VWCE: variants seen among roughly 807,000 people sequenced by gnomAD.
The protein encoded by VWCE is von Willebrand factor C and EGF domain-containing protein.
A neutral mutation model predicts 102.9 loss-of-function variants in VWCE; 68 were observed. That is an observed-to-expected ratio of 0.66 (90% CI 0.54 to 0.81). The LOEUF (loss-of-function observed/expected upper bound fraction) is 0.81. VWCE is among the 30% of genes least tolerant of loss of function. The probability of loss-of-function intolerance (pLI) is 0.00; values close to 1 mark genes in which losing one functional copy is unlikely to be tolerated. For missense variants in VWCE, 1,137 were observed against 1,263.6 expected, an observed-to-expected ratio of 0.90 and a Z score of 1.52; for synonymous variants, 497 against 515.4, an observed-to-expected ratio of 0.96 and a Z score of 0.48.
At position 61,278,441 on chromosome 11, in the gene VWCE, C is replaced by A; in HGVS notation, c.1360G>T (p.Asp454Tyr). 2 of 1,614,154 alleles carry A rather than the reference C, an allele frequency of 1.2e-6. No homozygotes were observed. The highest frequency in any genetic ancestry group is 1.7e-6 in the Non-Finnish European group (2 of 1,180,032). Residue 454 changes from aspartate to tyrosine, a missense_variant, in exon 10 of 20, where the codon GAT (aspartate) becomes TAT (tyrosine). Coordinates refer to ENST00000335613, the MANE Select transcript of VWCE (RefSeq NM_152718.2). ...TTCTCATTGGGAGGTGAAAACACATCCCCTTCAGCTCGGACGACACCACTG... is the reference window on the plus strand; with the variant it reads ...TTCTCATTGGGAGGTGAAAACACATACCCTTCAGCTCGGACGACACCACTG... ...FHSGVVRAEGDVFSPPNENCT... is the reference protein window; with the variant it reads ...FHSGVVRAEGYVFSPPNENCT...
rs775559826 is a variant in VWCE, at chr11:61,273,198, C to A, written c.1699+1G>T. 18 of 1,614,052 alleles carry A rather than the reference C, an allele frequency of 1.1e-5. No homozygotes were observed. The highest frequency in any genetic ancestry group is 1.5e-5 in the Non-Finnish European group (18 of 1,179,996). ...GTCGGGGCAGCCCTGGACCAGCTCA[C>A]CTGTCGAGGGTGTGGGCTCCTGGCA... is the stretch of plus-strand genomic sequence containing the variant. On this transcript the variant is annotated splice_donor_variant, in intron 13 of 19. Transcript: ENST00000335613. LOFTEE classifies it high-confidence loss of function.
At chr11:61,264,466 A>G (rs770114744) in intron 19 of VWCE, 21 bp downstream of exon 19, 1 of 1,609,468 alleles carries the variant, frequency 6.2e-7, no homozygotes, top group Non-Finnish European at 8.5e-7. Context: ...GAGAAACTCC[A>G]GGACCCAGAG....
rs776291656 is a variant in VWCE at position 61,286,404 on chromosome 11, A to C, written c.451T>G (p.Cys151Gly). 1.2e-6 allele frequency: 2 copies of C among 1,612,832 alleles called. No homozygotes were observed. The highest frequency in any genetic ancestry group is 1.7e-6 in the Non-Finnish European group (2 of 1,180,000). ...TCTGTGTTCACACAGTGGCCCTCGCAGGAGGAGGTTACACATTCGTCAATG... is the reference window on the plus strand; with the variant it reads ...TCTGTGTTCACACAGTGGCCCTCGCCGGAGGAGGTTACACATTCGTCAATG... ...TDIDECVTSS[C>G]EGHCVNTEGG... Residue 151 changes from cysteine (C) to glycine (G), a missense_variant, in exon 5 of 20, where the codon TGC (cysteine) becomes GGC (glycine). Physicochemically the swap from Cys to Gly is radical, Grantham distance 159. Around this residue, in one of 5 missense-constraint regions of VWCE, gnomAD observed 575 missense variants for 625.9 expected, o/e 0.92. Transcript: ENST00000335613.
intron 4 of VWCE, 54 bp downstream of exon 4, chr11:61,290,745 G>T: frequency 6.4e-7 from 1 of 1,561,210 alleles, no homozygotes; most frequent in Non-Finnish European, 8.7e-7. Context: ...AGGGGGAGGA[G>T]ATATAATTCC....
chr11:61,278,994 G>A (rs891556073), intron 9 of VWCE, among the ~76,000 whole-genome samples: 16 of 151,500 alleles, frequency 1.1e-4, no homozygotes, highest in Non-Finnish European at 2.9e-5. Flanking sequence ...AGCCGAGATC[G>A]CGCCACTGCA....
intron 9 of VWCE, among the ~76,000 whole-genome samples, chr11:61,279,569 A>C (rs1855050269): frequency 6.6e-6 from 1 of 152,104 alleles, no homozygotes; most frequent in African/African-American, 2.4e-5. Flanking sequence ...CTCAAAAAAA[A>C]ACAAAAACAA....
chr11:61,261,905 T>C (rs2134729170), intron 19 of VWCE, among the ~76,000 whole-genome samples: 2 of 152,232 alleles, frequency 1.3e-5, no homozygotes, highest in Middle Eastern at 6.8e-3. Flanking sequence ...AGGTAGGTGG[T>C]AAACATAGTG....
At chr11:61,274,969 A>G (rs1388242792) in intron 11 of VWCE, among the ~76,000 whole-genome samples, 1 of 152,154 alleles carries the variant, frequency 6.6e-6, no homozygotes, top group African/African-American at 2.4e-5. Flanking sequence ...AGGCTGAGGC[A>G]GGAGGATGGC....
intron 5 of VWCE, among the ~76,000 whole-genome samples, chr11:61,284,436 G>A (rs1026004361): frequency 6.6e-6 from 1 of 152,148 alleles, no homozygotes; most frequent in African/African-American, 2.4e-5. Context: ...ATGTACGTAC[G>A]TACACATCAT....
chr11:61,280,673 A>G lies in VWCE; in HGVS notation c.1275T>C (p.Cys425=). 1 of 1,614,004 alleles carries G rather than the reference A, an allele frequency of 6.2e-7. No individual in the cohort carries two copies. The highest frequency in any genetic ancestry group is 8.5e-7 in the Non-Finnish European group (1 of 1,179,970). The change falls in exon 9 of 20, where the codon TGT becomes TGC. Residue 425 remains cysteine (C), a synonymous_variant. Transcript: ENST00000335613. ...TCEKVRCEAA[C]SHPIPSRDGG... ...CATCTCTGGAGGGAATTGGGTGGGA[A>G]CAAGCAGCTTCACACCTCACCTTTT...
intron 19 of VWCE, among the ~76,000 whole-genome samples, chr11:61,262,520 A>G (rs1226139666): frequency 6.6e-6 from 1 of 152,218 alleles, no homozygotes; most frequent in African/African-American, 2.4e-5. Flanking sequence ...ATTAGCTAGC[A>G]ATCAGTCTCT....
rs1293597355 is a variant in VWCE at position 61,271,817 on chromosome 11, C to G, written c.1700-57G>C. 13 of 1,518,342 alleles carry G rather than the reference C, an allele frequency of 8.6e-6. No homozygotes were observed. In the African/African-American group the frequency reaches 1.4e-4, roughly 16 times the overall value. The allele number at this position is 1,518,342 out of a possible 1,614,324, so 94.1% of individuals were successfully genotyped here. A position where few individuals can be genotyped will look rare whatever the true frequency, so the allele number is the denominator to read the frequency against. The stretch of plus-strand genomic sequence containing the variant: ...CACAAGACCTAGACTACAACAGCAG[C>G]AAGGACAGATGCCTCATGCGCACAA... On this transcript the variant is annotated intron_variant, in intron 13 of 19. Coordinates refer to ENST00000335613, the MANE Select transcript of VWCE (RefSeq NM_152718.2).
chr11:61,279,433 G>T (rs1855045247), intron 9 of VWCE, among the ~76,000 whole-genome samples: 1 of 152,036 alleles, frequency 6.6e-6, no homozygotes, highest in Non-Finnish European at 1.5e-5. Context: ...AAATTAGCCA[G>T]GCTTGGTGGT....
chr11:61,287,000 G>A (rs1421596495), intron 4 of VWCE, among the ~76,000 whole-genome samples: 4 of 152,026 alleles, frequency 2.6e-5, no homozygotes, highest in African/African-American at 9.7e-5. Context: ...GGGAGGCTGA[G>A]GCAGGAGAAT....
At chr11:61,293,331 C>T (rs548269959) in intron 1 of VWCE, among the ~76,000 whole-genome samples, 27 of 146,384 alleles carry the variant, frequency 1.8e-4, no homozygotes, top group African/African-American at 7.0e-4. Flanking sequence ...GCATGAGAAT[C>T]GCTTGAACCC....
chr11:61,281,540 A>G (rs1855135073), intron 7 of VWCE, among the ~76,000 whole-genome samples: 2 of 152,232 alleles, frequency 1.3e-5, no homozygotes, highest in Admixed American at 6.5e-5. Context: ...AAGTGGAAAA[A>G]GAAAGCGAGG....
In VWCE at chr11:61,294,730, G is replaced by A. The variant is rs1012964013; in HGVS notation, c.110+198C>T. Reference sequence around the variant, plus strand: ...AGTCTGGACAGCCCCAGCCAGGGGGGCACGATGAGCACCCGCCTAGAGGCA... The same window carrying A: ...AGTCTGGACAGCCCCAGCCAGGGGGACACGATGAGCACCCGCCTAGAGGCA... On this transcript the variant is annotated intron_variant, in intron 1 of 19. Coordinates refer to ENST00000335613, the MANE Select transcript of VWCE (RefSeq NM_152718.2). The surrounding 1 kb of genome is among the most constrained non-coding windows in gnomAD (Gnocchi z 6.3). Among the ~76,000 whole-genome samples the A allele has an allele frequency of 4.6e-5, 7 of 152,120 alleles. 1 individual carries two copies. In the East Asian group the frequency reaches 1.4e-3, roughly 29 times the overall value.
intron 19 of VWCE, among the ~76,000 whole-genome samples, chr11:61,263,497 G>A (rs1398408101): frequency 1.3e-5 from 2 of 152,134 alleles, no homozygotes; most frequent in East Asian, 1.9e-4. Flanking sequence ...AGGGGCGAGG[G>A]GAATGGGGAG....
rs1467478324 is a variant in VWCE, at chr11:61,267,449, G to A, written c.1965+13C>T. The A allele has an allele frequency of 6.2e-7, 1 of 1,613,714 alleles. No individual in the cohort carries two copies. ...GTTTCCAGGGGCGGGAGTCAGATCT[G>A]GGTGGTCCATACCAGGCAGATGCAG... On this transcript the variant is annotated intron_variant, in intron 16 of 19. Transcript: ENST00000335613.
Sources: gnomAD v4.1 joint callset for allele counts (sites outside exome capture counted in the v4.1 genomes callset) on GRCh38, gnomAD v4.1.1 for gene constraint, gnomAD v4.1.1 regional missense constraint, Gnocchi (gnomAD v3.1) non-coding constraint, MANE v1.5 for transcripts, NCBI Gene and HGNC (gene_info 2026-07-23, HGNC 2026-07-21) for gene names.